The following TOX variants were observed in gnomAD, a reference collection of about 807,000 sequenced individuals.
TOX encodes thymocyte selection-associated high mobility group box protein TOX.
TOX carries 11 observed loss-of-function variants against 53.7 expected under a neutral mutation model. That is an observed-to-expected ratio of 0.20 (90% CI 0.13 to 0.34). The LOEUF (loss-of-function observed/expected upper bound fraction) is 0.34, where lower values mean the gene tolerates loss of function less well. Ranked by LOEUF, TOX falls within the 10% of genes least tolerant of loss-of-function variation. TOX has a pLI of 1.00. For missense variants in TOX, 570 were observed against 664.6 expected (o/e 0.86, Z 1.56); for synonymous variants, 225 against 245.3 (o/e 0.92, Z 0.77).
At chr8:58,944,655 G>T (rs1444309946) in intron 2 of TOX, among the ~76,000 whole-genome samples, 1 of 152,024 alleles carries the variant, frequency 6.6e-6, no homozygotes, top group East Asian at 1.9e-4. Context: ...AAAACCACGG[G>T]GTTCTTATAA....
intron 1 of TOX, among the ~76,000 whole-genome samples, chr8:58,969,645 T>C (rs1008999133): frequency 6.6e-6 from 1 of 152,236 alleles, no homozygotes; most frequent in Non-Finnish European, 1.5e-5. Flanking sequence ...ATGCATTCAA[T>C]GTATTTCAGA....
intron 1 of TOX, among the ~76,000 whole-genome samples, chr8:59,026,903 A>G (rs1006553507): frequency 1.8e-3 from 24 of 13,082 alleles, no homozygotes; most frequent in African/African-American, 4.0e-3. Flanking sequence ...AGAGAAAGGA[A>G]AAAAAAAAAA....
At chr8:58,936,985 T>C (rs1244786346) in intron 3 of TOX, among the ~76,000 whole-genome samples, 1 of 152,204 alleles carries the variant, frequency 6.6e-6, no homozygotes, top group Non-Finnish European at 1.5e-5. Flanking sequence ...ACAGCACAGA[T>C]TATAGAAGAG....
intron 1 of TOX, among the ~76,000 whole-genome samples, chr8:59,043,842 T>C (rs893031812): frequency 8.5e-5 from 13 of 152,326 alleles, no homozygotes; most frequent in South Asian, 6.2e-4. Flanking sequence ...GTGGAACTGA[T>C]TGATGCTGGC....
chr8:59,068,460 GAA>G (rs1222991779), intron 1 of TOX, among the ~76,000 whole-genome samples: 2 of 150,604 alleles, frequency 1.3e-5, no homozygotes, highest in African/African-American at 4.9e-5. Context: ...AGAGAAGAAA[GAA>G]GAGAAAAAGG....
intron 1 of TOX, among the ~76,000 whole-genome samples, chr8:58,987,127 A>C (rs1813345947): frequency 6.6e-6 from 1 of 152,220 alleles, no homozygotes; most frequent in Non-Finnish European, 1.5e-5. Context: ...GTTAGTGCCT[A>C]AGGCAGAAAT....
At chr8:58,980,086 C>T (rs997423522) in intron 1 of TOX, among the ~76,000 whole-genome samples, 6 of 152,126 alleles carry the variant, frequency 3.9e-5, no homozygotes, top group Non-Finnish European at 7.3e-5. Context: ...GGCCATTTAA[C>T]ACAGGGGAAT....
At chr8:58,967,203 T>C (rs1002857019) in intron 1 of TOX, among the ~76,000 whole-genome samples, 1 of 152,192 alleles carries the variant, frequency 6.6e-6, no homozygotes, top group Non-Finnish European at 1.5e-5. Context: ...TATTAAGTAG[T>C]CACTTAGTAA....
intron 1 of TOX, among the ~76,000 whole-genome samples, chr8:59,116,787 G>T (rs1805108486): frequency 6.6e-6 from 1 of 152,188 alleles, no homozygotes; most frequent in Admixed American, 6.5e-5. Context: ...CAGAAAGGGT[G>T]CCTAATTTGC....
At chr8:58,971,644 C>T (rs1203668432) in intron 1 of TOX, among the ~76,000 whole-genome samples, 2 of 151,882 alleles carry the variant, frequency 1.3e-5, no homozygotes, top group African/African-American at 2.4e-5. Context: ...CCTCAATTTG[C>T]CTGTGAAAAG....
At chr8:58,941,347 T>C (rs1255502938) in intron 2 of TOX, among the ~76,000 whole-genome samples, 1 of 152,164 alleles carries the variant, frequency 6.6e-6, no homozygotes, top group Non-Finnish European at 1.5e-5. Flanking sequence ...TAGTAATCCA[T>C]TGTGTAGCTA....
intron 3 of TOX, among the ~76,000 whole-genome samples, chr8:58,887,588 A>AT (rs1408603330): frequency 6.6e-6 from 1 of 151,920 alleles, no homozygotes; most frequent in African/African-American, 2.4e-5. Flanking sequence ...TCTCTATATA[A>AT]TTGTGTTTAT....
intron 1 of TOX, among the ~76,000 whole-genome samples, chr8:59,091,094 T>C (rs1260545301): frequency 1.3e-5 from 2 of 152,126 alleles, no homozygotes; most frequent in African/African-American, 4.8e-5. Context: ...CTCCCTCAAC[T>C]ATTGCTCTCT....
chr8:58,886,902 TA>T (rs35980698), intron 3 of TOX, among the ~76,000 whole-genome samples: 8,491 of 151,928 alleles, frequency 0.056, 288 homozygotes, highest in South Asian at 0.092. Context: ...GTAGTTGTTA[TA>T]GGGGCATCCT....
chr8:58,930,843 A>G (rs1812243621), intron 3 of TOX, among the ~76,000 whole-genome samples: 1 of 152,178 alleles, frequency 6.6e-6, no homozygotes, highest in African/African-American at 2.4e-5. Flanking sequence ...GAAACATTCT[A>G]CTAACAATTT....
In TOX at chr8:58,815,573, G is replaced by C. The variant is rs1374137924; in HGVS notation, c.1157C>G (p.Thr386Ser). ...HQQPGMNPHLTAMHPSLPRNI... is the reference protein window; with the variant it reads ...HQQPGMNPHLSAMHPSLPRNI... ...CCTGGGGAGACTAGGATGCATGGCA[G>C]TTAGGTGAGGATTCATTCCCGGTTG... is the stretch of plus-strand genomic sequence containing the variant. Residue 386 changes from threonine (T) to serine (S), a missense_variant, in exon 7 of 9, where the codon ACT (threonine) becomes AGT (serine). Transcript: ENST00000361421. 2 of 1,614,188 alleles carry C rather than the reference G, an allele frequency of 1.2e-6. No individual in the cohort carries two copies. The highest frequency in any genetic ancestry group is 3.3e-5 in the Admixed American group (2 of 60,028).
chr8:58,812,861 C>A (rs1034859042), intron 7 of TOX, among the ~76,000 whole-genome samples: 27 of 152,228 alleles, frequency 1.8e-4, no homozygotes, highest in African/African-American at 6.5e-4. Context: ...ACTACCTGAT[C>A]TTTAAATCCT....
intron 1 of TOX, among the ~76,000 whole-genome samples, chr8:59,005,261 A>T (rs1258214940): frequency 6.6e-6 from 1 of 152,070 alleles, no homozygotes; most frequent in East Asian, 1.9e-4. Context: ...GATGGTCTTC[A>T]TCTCCTGACC....
Position 58,927,442 on chromosome 8 carries a change from C to T in TOX, c.411+11860G>A, listed in dbSNP as rs567887128. ...AATGTAGAGGAGATCTGCACCCCAGCCTGCCTAGTTCACCACCTGCCAGCT... is the reference window on the plus strand; with the variant it reads ...AATGTAGAGGAGATCTGCACCCCAGTCTGCCTAGTTCACCACCTGCCAGCT... On this transcript the variant is annotated intron_variant, in intron 3 of 8. Transcript: ENST00000361421. Among the ~76,000 whole-genome samples, 6 of 152,308 alleles carry T rather than the reference C, an allele frequency of 3.9e-5. No individual in the cohort carries two copies. In the South Asian group the frequency reaches 1.0e-3, roughly 26 times the overall value.
Sources: gnomAD v4.1 joint callset for allele counts (sites outside exome capture counted in the v4.1 genomes callset) on GRCh38, gnomAD v4.1.1 for gene constraint, MANE v1.5 for transcripts, NCBI Gene and HGNC (gene_info 2026-07-23, HGNC 2026-07-21) for gene names.